The following DCHS2 variants were observed in gnomAD, a reference collection of about 807,000 sequenced individuals.
DCHS2 encodes the protein dachsous cadherin-related 2.
DCHS2 carries 142 observed loss-of-function variants against 182.4 expected under a neutral mutation model. The ratio of observed to expected loss-of-function variants is 0.78; its 90% confidence interval spans 0.68 to 0.89. The LOEUF is 0.89. Among genes scored for constraint, DCHS2 ranks in the 40% least tolerant of loss-of-function variants. The pLI, the probability that DCHS2 is intolerant of heterozygous loss-of-function variation, is 0.00. For synonymous variants in DCHS2, 1,740 were observed against 1,663.3 expected (o/e 1.05, Z -1.12); for missense variants, 4,319 against 4,198.6 (o/e 1.03, Z -0.79).
chr4:154,483,419 C>T (rs1463682467), intron 1 of DCHS2, among the ~76,000 whole-genome samples: 1 of 152,086 alleles, frequency 6.6e-6, no homozygotes, highest in African/African-American at 2.4e-5. Context: ...CAGGGGATGG[C>T]TGTAGGATAG....
At chr4:154,265,300 T>C (rs1374543108) in intron 14 of DCHS2, among the ~76,000 whole-genome samples, 1 of 152,246 alleles carries the variant, frequency 6.6e-6, no homozygotes, top group African/African-American at 2.4e-5. Flanking sequence ...GTACATTTCA[T>C]TCTTTGCTAT....
At chr4:154,321,319 T>C (rs548080869) in intron 8 of DCHS2, 97 bp from the exon 9 acceptor site, 2 of 1,273,574 alleles carry the variant, frequency 1.6e-6, no homozygotes, top group South Asian at 2.2e-5. Context: ...ATTCCTTCCA[T>C]GTATGTGATC....
chr4:154,459,041 C>T (rs1007157693), intron 1 of DCHS2, among the ~76,000 whole-genome samples: 1 of 152,220 alleles, frequency 6.6e-6, no homozygotes, highest in African/African-American at 2.4e-5. Context: ...TATTCTATTA[C>T]ATTTCCAAGA....
intron 3 of DCHS2, among the ~76,000 whole-genome samples, chr4:154,354,477 T>C (rs1445472077): frequency 2.0e-5 from 3 of 152,222 alleles, no homozygotes; most frequent in Non-Finnish European, 4.4e-5. Flanking sequence ...TTACAACTCA[T>C]ATTCTTGTCC....
chr4:154,490,422 C>T lies in DCHS2; in HGVS notation c.934G>A (p.Gly312Ser), dbSNP rs562496396. Residue 312 changes from glycine to serine, a missense_variant, in exon 1 of 20, where the codon GGC (glycine) becomes AGC (serine). Physicochemically the swap from Gly to Ser is moderately conservative, Grantham distance 56. Coordinates refer to ENST00000357232, the MANE Select transcript of DCHS2 (RefSeq NM_001358235.2). ...GCGCGCACGCGACAGACCTCGGCGC[C>T]CGGCTGGGCGTCCTCGCGCACCGCG... ...RAAVREDAQP[G>S]AEVCRVRATD... 814 of 1,533,640 alleles carry T rather than the reference C, an allele frequency of 5.3e-4. 1 individual carries two copies. Among genetic ancestry groups the T allele is most frequent in the Non-Finnish European group, 6.9e-4 (785 of 1,145,018 alleles).
chr4:154,407,338 T>C (rs1363776574), intron 1 of DCHS2, among the ~76,000 whole-genome samples: 4 of 152,178 alleles, frequency 2.6e-5, no homozygotes, highest in Non-Finnish European at 5.9e-5. Context: ...GGTTTCTATG[T>C]TCTCCTCCTT....
chr4:154,253,445 A>G (rs976543402), intron 16 of DCHS2, among the ~76,000 whole-genome samples: 13 of 152,346 alleles, frequency 8.5e-5, no homozygotes, highest in South Asian at 2.1e-4. Flanking sequence ...ACTGTAACAG[A>G]AAGTCCTTAA....
At chr4:154,294,193 A>T (rs1054703609) in intron 13 of DCHS2, among the ~76,000 whole-genome samples, 1 of 152,172 alleles carries the variant, frequency 6.6e-6, no homozygotes, top group Non-Finnish European at 1.5e-5. Flanking sequence ...TGCTCATTTG[A>T]TCATCAAAAC....
At chr4:154,299,821 T>A (rs1735125962) in intron 12 of DCHS2, among the ~76,000 whole-genome samples, 1 of 152,120 alleles carries the variant, frequency 6.6e-6, no homozygotes, top group Admixed American at 6.5e-5. Context: ...CTCCAAGAGT[T>A]CACAGTCTAA....
chr4:154,426,238 C>T (rs751218170), intron 1 of DCHS2, among the ~76,000 whole-genome samples: 3 of 152,130 alleles, frequency 2.0e-5, no homozygotes, highest in East Asian at 1.9e-4. Flanking sequence ...TTCATTTTAT[C>T]GCATCTAAAA....
chr4:154,333,586 C>A, intron 4 of DCHS2, 92 bp from the exon 5 acceptor site: 1 of 1,178,702 alleles, frequency 8.5e-7, no homozygotes, highest in East Asian at 2.6e-5. Context: ...TCATCCACTG[C>A]CTAATGACAC....
At chr4:154,433,586 G>C (rs2110940341) in intron 1 of DCHS2, among the ~76,000 whole-genome samples, 1 of 151,976 alleles carries the variant, frequency 6.6e-6, no homozygotes, top group East Asian at 1.9e-4. Flanking sequence ...GTAGAGATGA[G>C]GTTTCACCAT....
At chr4:154,460,523 T>A (rs1462038290) in intron 1 of DCHS2, among the ~76,000 whole-genome samples, 1 of 152,134 alleles carries the variant, frequency 6.6e-6, no homozygotes, top group African/African-American at 2.4e-5. Flanking sequence ...CCTCATGGGG[T>A]TGTAGTGAAG....
chr4:154,331,480 G>A lies in DCHS2; in HGVS notation c.3730+998C>T, dbSNP rs951157460. On this transcript the variant is annotated intron_variant, in intron 5 of 19. Coordinates refer to ENST00000357232, the MANE Select transcript of DCHS2 (RefSeq NM_001358235.2). ...CTGTATGGTTTGTGCCCTTGCAGCA[G>A]GAGTCTCAGTTTAGGGAGTGAATGA... The A allele has an allele frequency of 6.1e-6, 8 of 1,310,994 alleles. No homozygotes were observed. In the African/African-American group the frequency reaches 1.0e-4, roughly 17 times the overall value. 81.2% of individuals were successfully genotyped at this position (1,310,994 alleles called of 1,614,324 possible).
chr4:154,235,045 C>CTT lies in DCHS2; in HGVS notation c.9605_9606dup (p.Glu3203LysfsTer12), dbSNP rs753464908. 2 of 1,613,868 alleles carry CTT rather than the reference C, an allele frequency of 1.2e-6. No individual in the cohort carries two copies. Among genetic ancestry groups the CTT allele is most frequent in the Non-Finnish European group, 1.7e-6 (2 of 1,179,970 alleles). Reference sequence around the variant, plus strand: ...TGATCACCTGAAATAAAGACAGACTCTTTTCTAACGTCAGCCAGGATGCTC... The same window carrying CTT: ...TGATCACCTGAAATAAAGACAGACTCTTTTTTCTAACGTCAGCCAGGATGCTC... On this transcript the variant is annotated frameshift_variant, in exon 20 of 20. Coordinates refer to ENST00000357232, the MANE Select transcript of DCHS2 (RefSeq NM_001358235.2). LOFTEE classifies it low-confidence loss of function (END_TRUNC).
chr4:154,248,179 A>G (rs771775462), intron 16 of DCHS2, among the ~76,000 whole-genome samples: 4 of 152,200 alleles, frequency 2.6e-5, no homozygotes, highest in Admixed American at 6.6e-5. Flanking sequence ...CTTGAGGAGT[A>G]GTGATAAAAG....
intron 1 of DCHS2, among the ~76,000 whole-genome samples, chr4:154,488,067 A>G (rs1299604539): frequency 1.3e-5 from 2 of 152,322 alleles, no homozygotes; most frequent in East Asian, 3.9e-4. Flanking sequence ...GCTTGCAGCT[A>G]CTTGGGAGAC....
At chr4:154,434,257 A>C (rs970335068) in intron 1 of DCHS2, among the ~76,000 whole-genome samples, 48 of 152,268 alleles carry the variant, frequency 3.2e-4, no homozygotes, top group Non-Finnish European at 5.6e-4. Flanking sequence ...CTGTCACTAC[A>C]GAAAATTTTA....
intron 13 of DCHS2, among the ~76,000 whole-genome samples, chr4:154,296,398 G>A (rs1295353779): frequency 6.6e-6 from 1 of 152,118 alleles, no homozygotes; most frequent in African/African-American, 2.4e-5. Flanking sequence ...AACTTTTCTT[G>A]TCACACTGCT....
Sources: allele counts gnomAD v4.1 joint callset (sites outside exome capture counted in the v4.1 genomes callset), GRCh38; gene constraint gnomAD v4.1.1; transcripts MANE v1.5; gene names NCBI Gene and HGNC (gene_info 2026-07-23, HGNC 2026-07-21).